Variants in ANKRD11 observed in about 807,000 individuals in gnomAD.
The protein encoded by ANKRD11 is ankyrin repeat domain-containing protein 11.
In ANKRD11, 17 loss-of-function variants were observed where a neutral mutation model predicts 195.7. The observed-to-expected ratio is 0.09, with a 90% confidence interval of 0.06 to 0.13. The LOEUF (loss-of-function observed/expected upper bound fraction) is 0.13. ANKRD11 is among the 10% of genes least tolerant of loss of function. ANKRD11 has a pLI of 1.00. For synonymous variants in ANKRD11, 1,953 were observed against 1,528.1 expected (o/e 1.28, Z -6.49); for missense variants, 3,735 against 3,566.1 (o/e 1.05, Z -1.21).
At chr16:89,343,287 T>C (rs2038780307) in intron 2 of ANKRD11, among the ~76,000 whole-genome samples, 1 of 152,192 alleles carries the variant, frequency 6.6e-6, no homozygotes, top group Non-Finnish European at 1.5e-5. Flanking sequence ...GCCACCGCAC[T>C]GGGCCTGAGC....
intron 1 of ANKRD11, among the ~76,000 whole-genome samples, chr16:89,423,351 C>T (rs1597359822): frequency 6.6e-6 from 1 of 152,230 alleles, no homozygotes; most frequent in East Asian, 1.9e-4. Flanking sequence ...TAACCCTGGG[C>T]TCCGAACGGC....
chr16:89,300,345 C>T, intron 4 of ANKRD11: 1 of 206,144 alleles, frequency 4.9e-6, no homozygotes, highest in Admixed American at 5.8e-5. Flanking sequence ...GCCTTGGGAC[C>T]CTCGTCAACA....
intron 2 of ANKRD11, chr16:89,360,821 A>C (rs1245566737): frequency 6.6e-6 from 1 of 152,276 alleles, no homozygotes; most frequent in Non-Finnish European, 1.5e-5. Flanking sequence ...AGATCCAAGT[A>C]ATCAGATACC....
At chr16:89,482,400 A>G (rs1357970286) in intron 1 of ANKRD11, among the ~76,000 whole-genome samples, 1 of 152,196 alleles carries the variant, frequency 6.6e-6, no homozygotes, top group Non-Finnish European at 1.5e-5. Flanking sequence ...ACGCTGAGAA[A>G]TGGTTGCAGA....
chr16:89,417,357 T>A (rs1026167049), intron 2 of ANKRD11, among the ~76,000 whole-genome samples: 10 of 152,206 alleles, frequency 6.6e-5, no homozygotes, highest in Admixed American at 2.0e-4. Context: ...TATGAAAATT[T>A]AATTTAGCCA....
chr16:89,401,069 T>C (rs1239344611), intron 2 of ANKRD11, among the ~76,000 whole-genome samples: 2 of 151,936 alleles, frequency 1.3e-5, no homozygotes, highest in African/African-American at 4.8e-5. Context: ...GTCTCAGTAA[T>C]GTTATATATT....
intron 1 of ANKRD11, among the ~76,000 whole-genome samples, chr16:89,487,744 A>C (rs1022547928): frequency 2.0e-5 from 3 of 152,258 alleles, no homozygotes; most frequent in Admixed American, 2.0e-4. Context: ...ACTGCACTCC[A>C]GCCTGGGCGA....
chr16:89,370,729 G>T (rs1206698806), intron 2 of ANKRD11: 1 of 152,342 alleles, frequency 6.6e-6, no homozygotes, highest in Non-Finnish European at 1.5e-5. Context: ...TTTCATCACG[G>T]TGACTGCTGT....
At chr16:89,312,677 G>C (rs2036675439) in intron 3 of ANKRD11, among the ~76,000 whole-genome samples, 1 of 152,260 alleles carries the variant, frequency 6.6e-6, no homozygotes, top group South Asian at 2.1e-4. Flanking sequence ...TGTGAGCCCA[G>C]CTTCGCCCTC....
chr16:89,364,610 T>C lies in ANKRD11; in HGVS notation c.-59-47532A>G, dbSNP rs976645184. Among the ~76,000 whole-genome samples the C allele has an allele frequency of 2.6e-5, 4 of 152,210 alleles. No homozygotes were observed. In the East Asian group the frequency reaches 5.8e-4, roughly 22 times the overall value. On this transcript the variant is annotated intron_variant, in intron 2 of 12. Transcript: ENST00000301030. ...CCCTGGGCCACACTGGAAGAAGAAC[T>C]GGCTTGGGCCACACATAAAATACAC...
intron 1 of ANKRD11, among the ~76,000 whole-genome samples, chr16:89,463,078 C>T (rs1433266384): frequency 8.0e-5 from 12 of 150,818 alleles, no homozygotes; most frequent in Non-Finnish European, 1.0e-4. Flanking sequence ...CCCGGCCAGC[C>T]GCCCCGCCCG....
At chr16:89,485,338 A>AAAAAC (rs1296311565) in intron 1 of ANKRD11, among the ~76,000 whole-genome samples, 2 of 151,938 alleles carry the variant, frequency 1.3e-5, no homozygotes, top group South Asian at 2.1e-4. Context: ...AAAAAAAAAA[A>AAAAAC]AAAACACTAA....
intron 1 of ANKRD11, among the ~76,000 whole-genome samples, chr16:89,435,918 T>C (rs1207851583): frequency 8.6e-5 from 13 of 151,978 alleles, no homozygotes; most frequent in African/African-American, 2.9e-4. Context: ...GTGCCGCCCA[T>C]CACCTCTAAA....
At chr16:89,406,435 G>C (rs952674431) in intron 2 of ANKRD11, among the ~76,000 whole-genome samples, 1 of 152,222 alleles carries the variant, frequency 6.6e-6, no homozygotes, top group African/African-American at 2.4e-5. Flanking sequence ...TAGAGGAGAA[G>C]CAGCAGCTGC....
intron 2 of ANKRD11, among the ~76,000 whole-genome samples, chr16:89,346,152 G>A (rs1010602073): frequency 6.6e-6 from 1 of 151,596 alleles, no homozygotes; most frequent in Non-Finnish European, 1.5e-5. Context: ...GGGAGGCTGA[G>A]GCAGGAGAAT....
At chr16:89,478,476 T>G (rs939950774) in intron 1 of ANKRD11, among the ~76,000 whole-genome samples, 11 of 152,224 alleles carry the variant, frequency 7.2e-5, no homozygotes, top group African/African-American at 2.6e-4. Flanking sequence ...ACCCGGTAAC[T>G]CATTACTTTC....
chr16:89,437,001 G>T (rs1184925140), intron 1 of ANKRD11, among the ~76,000 whole-genome samples: 1 of 152,180 alleles, frequency 6.6e-6, no homozygotes, highest in Non-Finnish European at 1.5e-5. Context: ...GATGGTCAAA[G>T]TTGATGAATT....
At chr16:89,393,320 T>A (rs112107386) in intron 2 of ANKRD11, among the ~76,000 whole-genome samples, 5,610 of 148,132 alleles carry the variant, frequency 0.038, 200 homozygotes, top group African/African-American at 0.083. Flanking sequence ...TTTTATTTTT[T>A]TTTTTTTTGA....
chr16:89,272,409 A>C lies in ANKRD11; in HGVS notation c.7714-1500T>G, dbSNP rs2151685770. 1.3e-5 allele frequency: 2 copies of C among 152,454 alleles called. 1 individual carries two copies. Among genetic ancestry groups the C allele is most frequent in the South Asian group, 4.1e-4 (2 of 4,838 alleles). The allele number at this position is 152,454 out of a possible 1,614,324, so 9.4% of individuals were successfully genotyped here. On this transcript the variant is annotated intron_variant, in intron 11 of 12. Coordinates refer to ENST00000301030, the MANE Select transcript of ANKRD11 (RefSeq NM_013275.6). ...CACTGCCGGGTATAGACCCAAAAGA[A>C]AGAAACTGGGGGCCAGGCACGGTGG...
Sources: allele counts gnomAD v4.1 joint callset (sites outside exome capture counted in the v4.1 genomes callset), GRCh38; gene constraint gnomAD v4.1.1; transcripts MANE v1.5; gene names NCBI Gene and HGNC (gene_info 2026-07-23, HGNC 2026-07-21).